FGFR2: variants seen among roughly 807,000 people sequenced by gnomAD.
FGFR2 encodes fibroblast growth factor receptor 2, also known as BEK fibroblast growth factor receptor.
A neutral mutation model predicts 95.9 loss-of-function variants in FGFR2; 19 were observed. That is an observed-to-expected ratio of 0.20 (90% confidence interval 0.14 to 0.29). The LOEUF is 0.29. FGFR2 is among the 10% of genes least tolerant of loss of function. FGFR2 has a pLI of 1.00. For missense variants in FGFR2, 707 were observed against 1,056.9 expected, an observed-to-expected ratio of 0.67 and a Z score of 4.59; for synonymous variants, 392 against 393.3, an observed-to-expected ratio of 1.00 and a Z score of 0.04.
At chr10:121,520,935 G>A (rs1056369983) in intron 6 of FGFR2, among the ~76,000 whole-genome samples, 4 of 152,202 alleles carry the variant, frequency 2.6e-5, no homozygotes, top group African/African-American at 7.2e-5. Flanking sequence ...GAGCCACCAC[G>A]CTCGGCTCCA....
rs2134312342 is a variant in FGFR2 at position 121,520,054 on chromosome 10, G to A, written c.864C>T (p.Ile288=). The A allele has an allele frequency of 6.2e-7, 1 of 1,614,216 alleles. No homozygotes were observed. Among genetic ancestry groups the A allele is most frequent in the Non-Finnish European group, 8.5e-7 (1 of 1,180,042 alleles). Reference sequence around the variant, plus strand: ...TCTTTTCCACGTGCTTGATCCACTGGATGTGGGGCTGGGCATCACTGTAAA... The same window carrying A: ...TCTTTTCCACGTGCTTGATCCACTGAATGTGGGGCTGGGCATCACTGTAAA... ...CKVYSDAQPH[I]QWIKHVEKNG... is the part of the protein sequence containing the mutation. Residue 288 remains isoleucine (I), a synonymous_variant, in exon 7 of 18, where the codon ATC becomes ATT. Coordinates refer to ENST00000358487, the MANE Select transcript of FGFR2 (RefSeq NM_000141.5).
intron 12 of FGFR2, among the ~76,000 whole-genome samples, chr10:121,497,672 C>T (rs1156881015): frequency 6.6e-6 from 1 of 152,140 alleles, no homozygotes; most frequent in African/African-American, 2.4e-5. Context: ...GGTATAGGCT[C>T]GGGGTTGGCA....
chr10:121,532,422 G>T (rs1852209540), intron 6 of FGFR2, among the ~76,000 whole-genome samples: 1 of 152,202 alleles, frequency 6.6e-6, no homozygotes, highest in African/African-American at 2.4e-5. Flanking sequence ...AGACTGAGAT[G>T]CAGCCTTCCA....
chr10:121,520,938 C>G (rs775999905), intron 6 of FGFR2, among the ~76,000 whole-genome samples: 39 of 152,210 alleles, frequency 2.6e-4, no homozygotes, highest in African/African-American at 8.9e-4. Flanking sequence ...CCACCACGCT[C>G]GGCTCCAGTA....
At chr10:121,554,137 A>C (rs989353943) in intron 4 of FGFR2, among the ~76,000 whole-genome samples, 4 of 152,202 alleles carry the variant, frequency 2.6e-5, no homozygotes, top group Admixed American at 1.3e-4. Flanking sequence ...GTACGGGTGC[A>C]GTGCTGCTCA....
chr10:121,519,230 G>C (rs1850156876), intron 7 of FGFR2, among the ~76,000 whole-genome samples: 1 of 152,134 alleles, frequency 6.6e-6, no homozygotes, highest in African/African-American at 2.4e-5. Flanking sequence ...TGGGAGGCGT[G>C]GTAGGCAAGG....
At chr10:121,557,172 C>T (rs998708664) in intron 4 of FGFR2, among the ~76,000 whole-genome samples, 1 of 152,190 alleles carries the variant, frequency 6.6e-6, no homozygotes, top group African/African-American at 2.4e-5. Flanking sequence ...CATGGGAATT[C>T]CCAAGATCTG....
At chr10:121,522,514 C>T (rs1027167195) in intron 6 of FGFR2, among the ~76,000 whole-genome samples, 1 of 152,026 alleles carries the variant, frequency 6.6e-6, no homozygotes, top group Non-Finnish European at 1.5e-5. Flanking sequence ...CACGATCATG[C>T]CATTGCACTC....
chr10:121,549,618 C>T (rs985238292), intron 5 of FGFR2, among the ~76,000 whole-genome samples: 2 of 152,038 alleles, frequency 1.3e-5, no homozygotes, highest in African/African-American at 4.8e-5. Context: ...CTGACTTCTG[C>T]GATCCTGCTC....
chr10:121,558,070 C>T lies in FGFR2; in HGVS notation c.454+6432G>A, dbSNP rs144818788. On this transcript the variant is annotated intron_variant, in intron 4 of 17. Coordinates refer to ENST00000358487, the MANE Select transcript of FGFR2 (RefSeq NM_000141.5). Reference sequence around the variant, plus strand: ...AGTTAAGCAATGGACCTGAACTTTTCGTCCATCATGATCTTCTCAAAAACT... The same window carrying T: ...AGTTAAGCAATGGACCTGAACTTTTTGTCCATCATGATCTTCTCAAAAACT... Among the ~76,000 whole-genome samples the T allele has an allele frequency of 2.6e-5, 4 of 152,286 alleles. No homozygotes were observed. In the East Asian group the frequency reaches 5.8e-4, roughly 22 times the overall value.
intron 2 of FGFR2, among the ~76,000 whole-genome samples, chr10:121,586,737 G>C (rs1402296025): frequency 6.6e-6 from 1 of 152,292 alleles, no homozygotes; most frequent in Admixed American, 6.5e-5. Flanking sequence ...ATATTTAAAT[G>C]GTAAGAGCTT....
At chr10:121,521,063 T>C (rs1398920433) in intron 6 of FGFR2, among the ~76,000 whole-genome samples, 1 of 152,256 alleles carries the variant, frequency 6.6e-6, no homozygotes, top group African/African-American at 2.4e-5. Context: ...CTCTTTATTG[T>C]GGAATTCACT....
At chr10:121,481,492 G>C (rs1028792862) in intron 17 of FGFR2, among the ~76,000 whole-genome samples, 1 of 152,122 alleles carries the variant, frequency 6.6e-6, no homozygotes, top group Admixed American at 6.6e-5. Flanking sequence ...GAAGGGGAAT[G>C]TATCAGTTCC....
chr10:121,545,201 T>A (rs1296382357), intron 5 of FGFR2, among the ~76,000 whole-genome samples: 1 of 152,184 alleles, frequency 6.6e-6, no homozygotes, highest in Non-Finnish European at 1.5e-5. Flanking sequence ...CAGCATCATA[T>A]CCCCAACTTT....
chr10:121,482,284 C>T (rs752217862), intron 17 of FGFR2: 12 of 926,480 alleles, frequency 1.3e-5, no homozygotes, highest in East Asian at 7.8e-5. Flanking sequence ...TTTCTTCCCC[C>T]CCTTGAACCG....
chr10:121,597,222 C>CT (rs1863558687), intron 1 of FGFR2, among the ~76,000 whole-genome samples: 1 of 152,178 alleles, frequency 6.6e-6, no homozygotes, highest in African/African-American at 2.4e-5. Context: ...GGGCCCTCGG[C>CT]TTTTTTCCCC....
At chr10:121,486,553 T>C (rs1339994114) in intron 15 of FGFR2, among the ~76,000 whole-genome samples, 2 of 152,218 alleles carry the variant, frequency 1.3e-5, no homozygotes, top group African/African-American at 4.8e-5. Context: ...GCGATTCTCC[T>C]GCCTCAGCCT....
chr10:121,516,124 T>G (rs1054057868), intron 8 of FGFR2, among the ~76,000 whole-genome samples: 1 of 152,206 alleles, frequency 6.6e-6, no homozygotes. Flanking sequence ...AATGTCTGAC[T>G]TCTTCTTAGT....
chr10:121,596,139 A>G (rs1422344328), intron 1 of FGFR2, among the ~76,000 whole-genome samples: 1 of 152,200 alleles, frequency 6.6e-6, no homozygotes, highest in Non-Finnish European at 1.5e-5. Context: ...TGAAAGCCCC[A>G]GCGTGTTTAT....
Sources: allele counts gnomAD v4.1 joint callset (sites outside exome capture counted in the v4.1 genomes callset), GRCh38; gene constraint gnomAD v4.1.1; transcripts MANE v1.5; gene names NCBI Gene and HGNC (gene_info 2026-07-23, HGNC 2026-07-21).